Variants in ITPR1 observed in about 807,000 individuals in gnomAD.
ITPR1 encodes inositol 1,4,5-trisphosphate receptor type 1.
In ITPR1, 96 loss-of-function variants were observed where a neutral mutation model predicts 318.4. That is an observed-to-expected ratio of 0.30 (90% CI 0.26 to 0.36). The LOEUF is 0.36. ITPR1 is among the 10% of genes least tolerant of loss of function. The pLI, the probability that ITPR1 is intolerant of heterozygous loss-of-function variation, is 1.00. For missense variants in ITPR1, 2,440 were observed against 3,460.2 expected (o/e 0.71, Z 7.40); for synonymous variants, 1,312 against 1,289.9 (o/e 1.02, Z -0.37).
At chr3:4,685,479 A>G (rs777612321) in intron 30 of ITPR1, among the ~76,000 whole-genome samples, 1 of 152,272 alleles carries the variant, frequency 6.6e-6, no homozygotes, top group Non-Finnish European at 1.5e-5. Flanking sequence ...GATAGAGACA[A>G]CTTGGTCTGT....
At chr3:4,769,597 T>C (rs914934534) in intron 46 of ITPR1, among the ~76,000 whole-genome samples, 1 of 152,214 alleles carries the variant, frequency 6.6e-6, no homozygotes, top group Non-Finnish European at 1.5e-5. Flanking sequence ...GTTGTTTTTG[T>C]CTGATAACAA....
intron 4 of ITPR1, among the ~76,000 whole-genome samples, chr3:4,591,260 G>C (rs930468111): frequency 6.6e-6 from 1 of 152,194 alleles, no homozygotes; most frequent in Non-Finnish European, 1.5e-5. Flanking sequence ...GGATTGCTGG[G>C]TGGAATGGTA....
At chr3:4,584,559 GT>G (rs5846327) in intron 4 of ITPR1, among the ~76,000 whole-genome samples, 127,311 of 145,190 alleles carry the variant, frequency 0.88, 56,037 homozygotes, top group Middle Eastern at 0.95. Flanking sequence ...GAGTTAGTGG[GT>G]TTTTTTTTTT....
At chr3:4,566,604 G>GCACACACACACACACACACACACACA (rs57756103) in intron 4 of ITPR1, among the ~76,000 whole-genome samples, 26 of 140,898 alleles carry the variant, frequency 1.8e-4, no homozygotes, top group African/African-American at 6.5e-4. Flanking sequence ...GGGGACACAT[G>GCACACACACACACACACACACACACA]CACACACACA....
chr3:4,804,930 T>C (rs1419756766), intron 54 of ITPR1, among the ~76,000 whole-genome samples: 1 of 152,118 alleles, frequency 6.6e-6, no homozygotes, highest in East Asian at 1.9e-4. Context: ...TAGCAGAAGA[T>C]GGTTTTACCA....
At chr3:4,511,295 TC>T (rs1405902382) in intron 2 of ITPR1, among the ~76,000 whole-genome samples, 1 of 152,154 alleles carries the variant, frequency 6.6e-6, no homozygotes, top group African/African-American at 2.4e-5. Context: ...AATCAAATCT[TC>T]CCTGCCCCCC....
intron 51 of ITPR1, among the ~76,000 whole-genome samples, chr3:4,787,579 TCCCAG>T (rs894221406): frequency 3.4e-5 from 5 of 147,760 alleles, no homozygotes; most frequent in African/African-American, 1.0e-4. Context: ...GTGCCTGTAA[TCCCAG>T]CTACTCTGGA....
At chr3:4,813,566 G>C (rs1158022195) in intron 57 of ITPR1, among the ~76,000 whole-genome samples, 1 of 152,158 alleles carries the variant, frequency 6.6e-6, no homozygotes, top group African/African-American at 2.4e-5. Flanking sequence ...ATGGAATACA[G>C]AAGTTAGGCA....
intron 39 of ITPR1, among the ~76,000 whole-genome samples, chr3:4,712,240 T>A (rs1403001389): frequency 6.6e-6 from 1 of 152,238 alleles, no homozygotes; most frequent in Non-Finnish European, 1.5e-5. Flanking sequence ...TGGGTTTACT[T>A]GCCTCGTTCA....
chr3:4,530,548 C>T (rs2083329144), intron 4 of ITPR1, among the ~76,000 whole-genome samples: 3 of 152,266 alleles, frequency 2.0e-5, no homozygotes, highest in Middle Eastern at 6.8e-3. Context: ...CTTTGAGAGG[C>T]CAAGGCGGGA....
intron 43 of ITPR1, among the ~76,000 whole-genome samples, chr3:4,734,077 T>G (rs1261016975): frequency 6.6e-6 from 1 of 152,246 alleles, no homozygotes; most frequent in Non-Finnish European, 1.5e-5. Flanking sequence ...GGAGGAAGCC[T>G]GGACTTCTCA....
intron 42 of ITPR1, among the ~76,000 whole-genome samples, chr3:4,728,434 G>A (rs1445627389): frequency 6.6e-6 from 1 of 152,180 alleles, no homozygotes; most frequent in Admixed American, 6.5e-5. Context: ...GGTCGTCGGT[G>A]TCTAGGAGAA....
chr3:4,768,463 G>C, intron 45 of ITPR1, 48 bp from the exon 46 acceptor site: 3 of 1,544,570 alleles, frequency 1.9e-6, no homozygotes, highest in Non-Finnish European at 2.6e-6. Flanking sequence ...TGGTGAATAG[G>C]GCCCATGAGG....
chr3:4,578,294 C>A (rs1438949098), intron 4 of ITPR1, among the ~76,000 whole-genome samples: 2 of 151,626 alleles, frequency 1.3e-5, no homozygotes, highest in African/African-American at 4.8e-5. Flanking sequence ...TTTTTGGTTT[C>A]TAGAGTGATC....
At chr3:4,679,165 C>A (rs1457757177) in intron 24 of ITPR1, among the ~76,000 whole-genome samples, 1 of 152,128 alleles carries the variant, frequency 6.6e-6, no homozygotes, top group African/African-American at 2.4e-5. Context: ...GAAGGAGGCG[C>A]TGATGATCAG....
intron 40 of ITPR1, among the ~76,000 whole-genome samples, chr3:4,717,926 C>G (rs902602181): frequency 3.3e-5 from 5 of 152,184 alleles, no homozygotes; most frequent in Admixed American, 2.0e-4. Context: ...TTGAGACTTT[C>G]CATCCGCAGG....
intron 4 of ITPR1, among the ~76,000 whole-genome samples, chr3:4,619,672 TC>T: frequency 1.6e-4 from 1 of 6,408 alleles, no homozygotes; most frequent in South Asian, 7.8e-3. Flanking sequence ...TCTCCTCTGC[TC>T]TCCCCTGCTC....
At chr3:4,702,690 T>A in intron 35 of ITPR1, 140 bp from the exon 36 acceptor site, 1 of 898,480 alleles carries the variant, frequency 1.1e-6, no homozygotes, top group Admixed American at 2.3e-5. Context: ...CACCCTTGCC[T>A]CAGGGTCCAT....
chr3:4,584,696 A>G (rs528631235), intron 4 of ITPR1, among the ~76,000 whole-genome samples: 1 of 151,928 alleles, frequency 6.6e-6, no homozygotes, highest in Admixed American at 6.6e-5. Flanking sequence ...ACTCACTTTC[A>G]TTTTCAAGAA....
Sources: gnomAD v4.1 joint callset for allele counts (sites outside exome capture counted in the v4.1 genomes callset) on GRCh38, gnomAD v4.1.1 for gene constraint, MANE v1.5 for transcripts, NCBI Gene and HGNC (gene_info 2026-07-23, HGNC 2026-07-21) for gene names.